The following RAI1 variants were observed in gnomAD, a reference collection of about 807,000 sequenced individuals.
RAI1 encodes retinoic acid-induced protein 1.
A neutral mutation model predicts 123.8 loss-of-function variants in RAI1; 9 were observed. The observed-to-expected ratio is 0.07, with a 90% CI of 0.04 to 0.13. The LOEUF (loss-of-function observed/expected upper bound fraction) is 0.13, where lower values mean the gene tolerates loss of function less well. Among genes scored for constraint, RAI1 ranks in the 10% least tolerant of loss-of-function variants. RAI1 has a pLI of 1.00. For missense variants in RAI1, 2,256 were observed against 2,545.8 expected (o/e 0.89, Z 2.45); for synonymous variants, 1,231 against 1,127.3 (o/e 1.09, Z -1.84).
Position 17,800,250 on chromosome 17 carries a change from C to T in RAI1, c.5565+1737C>T, listed in dbSNP as rs2032416783. Among the ~76,000 whole-genome samples, 3 of 146,660 alleles carry T rather than the reference C, an allele frequency of 2.0e-5. No homozygotes were observed. In the South Asian group the frequency reaches 6.5e-4, roughly 32 times the overall value. The stretch of plus-strand genomic sequence containing the variant: ...TCTCATTACTGGCTCCTTCCCAGCG[C>T]CTTGAAACAGGTTCAAGTCTCTCCC... On this transcript the variant is annotated intron_variant, in intron 3 of 5. Coordinates refer to ENST00000353383, the MANE Select transcript of RAI1 (RefSeq NM_030665.4). The surrounding 1 kb of genome is among the most constrained non-coding windows in gnomAD (Gnocchi z 4.7).
At chr17:17,687,886 C>T (rs1221546486) in intron 1 of RAI1, among the ~76,000 whole-genome samples, 1 of 151,772 alleles carries the variant, frequency 6.6e-6, no homozygotes, top group Non-Finnish European at 1.5e-5. Flanking sequence ...AAAAATTAGC[C>T]AGGTGTGGTG....
At chr17:17,706,408 C>T (rs1246196565) in intron 1 of RAI1, among the ~76,000 whole-genome samples, 2 of 152,182 alleles carry the variant, frequency 1.3e-5, no homozygotes, top group African/African-American at 4.8e-5. Context: ...ATAGGTGAAA[C>T]AAGAGGCCAG....
intron 2 of RAI1, among the ~76,000 whole-genome samples, chr17:17,752,189 C>G (rs974399603): frequency 1.3e-5 from 2 of 152,112 alleles, no homozygotes; most frequent in Non-Finnish European, 2.9e-5. Context: ...GGGCCAGTGC[C>G]GGGACTGGGC....
intron 1 of RAI1, among the ~76,000 whole-genome samples, chr17:17,713,693 A>C (rs1330663968): frequency 6.6e-6 from 1 of 152,250 alleles, no homozygotes. Context: ...AAATATTCAC[A>C]GTAATTGTCA....
chr17:17,747,355 AC>A (rs1298572414), intron 2 of RAI1, among the ~76,000 whole-genome samples: 1 of 152,240 alleles, frequency 6.6e-6, no homozygotes, highest in Non-Finnish European at 1.5e-5. Flanking sequence ...CCACTGGCTG[AC>A]TAGTGGCCTG....
At chr17:17,806,190 G>C (rs1309402551) in intron 4 of RAI1, among the ~76,000 whole-genome samples, 6 of 152,362 alleles carry the variant, frequency 3.9e-5, no homozygotes, top group Non-Finnish European at 8.8e-5. Flanking sequence ...AATCTAGGAA[G>C]ACTTCCAGGA....
At chr17:17,737,969 G>GC (rs1448920368) in intron 2 of RAI1, among the ~76,000 whole-genome samples, 2 of 152,034 alleles carry the variant, frequency 1.3e-5, no homozygotes, top group Non-Finnish European at 2.9e-5. Flanking sequence ...GGGAGGGGGC[G>GC]CCCCCCACCC....
Position 17,797,524 on chromosome 17 carries a change from C to A in RAI1, c.4576C>A (p.Pro1526Thr), listed in dbSNP as rs753263084. The change falls in exon 3 of 6, where the codon CCA becomes ACA. Residue 1526 changes from proline (P) to threonine (T), a missense_variant. Physicochemically the swap from Pro to Thr is conservative, Grantham distance 38. Transcript: ENST00000353383. Reference protein sequence around the residue: ...CQPQTRAQKQPGHTNYSSYSK... With the variant: ...CQPQTRAQKQTGHTNYSSYSK... Reference sequence around the variant, plus strand: ...GCCCCAGACAAGGGCACAGAAACAGCCAGGCCACACCAACTACAGCAGCTA... The same window carrying A: ...GCCCCAGACAAGGGCACAGAAACAGACAGGCCACACCAACTACAGCAGCTA... 1.2e-6 allele frequency: 2 copies of A among 1,613,864 alleles called. No homozygotes were observed. The highest frequency in any genetic ancestry group is 4.5e-5 in the East Asian group (2 of 44,874).
chr17:17,802,087 C>G (rs2032481808), intron 3 of RAI1: 1 of 470,904 alleles, frequency 2.1e-6, no homozygotes, highest in African/African-American at 2.0e-5. Context: ...CCCTCCCCGG[C>G]CTCAGGTTTG....
At chr17:17,725,929 C>A (rs140811240) in intron 2 of RAI1, among the ~76,000 whole-genome samples, 60 of 152,170 alleles carry the variant, frequency 3.9e-4, no homozygotes, top group African/African-American at 1.4e-3. Context: ...AAGAGTTAAC[C>A]CTCCCCCAGA....
intron 2 of RAI1, among the ~76,000 whole-genome samples, chr17:17,736,014 T>C (rs1916421962): frequency 6.6e-6 from 1 of 152,034 alleles, no homozygotes; most frequent in South Asian, 2.1e-4. Flanking sequence ...GTGTTATGTG[T>C]GTGCATCTGT....
chr17:17,735,514 C>A (rs139649469), intron 2 of RAI1, among the ~76,000 whole-genome samples: 2,409 of 151,950 alleles, frequency 0.016, 28 homozygotes, highest in Non-Finnish European at 0.025. Flanking sequence ...CCACCACGCC[C>A]GGCTGATTTT....
At chr17:17,765,456 A>C (rs1450695794) in intron 2 of RAI1, among the ~76,000 whole-genome samples, 1 of 152,260 alleles carries the variant, frequency 6.6e-6, no homozygotes, top group East Asian at 1.9e-4. Flanking sequence ...TACACACAAG[A>C]TGAAAATCGT....
intron 1 of RAI1, among the ~76,000 whole-genome samples, chr17:17,709,568 G>A (rs1405456182): frequency 6.6e-6 from 1 of 152,162 alleles, no homozygotes; most frequent in African/African-American, 2.4e-5. Flanking sequence ...GTTCCAGCCT[G>A]GGCAGCTGCC....
At chr17:17,792,386 CAG>C (rs1024179827) in intron 2 of RAI1, among the ~76,000 whole-genome samples, 80 of 152,212 alleles carry the variant, frequency 5.3e-4, no homozygotes, top group African/African-American at 1.9e-3. Context: ...TGCGTGGGGA[CAG>C]GGGCAGACCC....
intron 1 of RAI1, among the ~76,000 whole-genome samples, chr17:17,704,642 A>AT (rs952268654): frequency 6.6e-6 from 1 of 152,186 alleles, no homozygotes; most frequent in African/African-American, 2.4e-5. Context: ...CAGGATATGC[A>AT]TAGTCCTGAC....
chr17:17,752,294 G>C (rs2030213298), intron 2 of RAI1, among the ~76,000 whole-genome samples: 2 of 152,226 alleles, frequency 1.3e-5, no homozygotes, highest in Admixed American at 1.3e-4. Context: ...CCAGCCCCCA[G>C]CCCGGGCAGA....
At chr17:17,747,762 A>G (rs965918132) in intron 2 of RAI1, among the ~76,000 whole-genome samples, 2 of 152,076 alleles carry the variant, frequency 1.3e-5, no homozygotes, top group East Asian at 3.9e-4. Flanking sequence ...ACTTGAAAAG[A>G]TATCTCAAAA....
rs754023496 is a variant in RAI1, at chr17:17,796,339, A to T, written c.3391A>T (p.Thr1131Ser). The T allele has an allele frequency of 6.2e-6, 10 of 1,613,246 alleles. No homozygotes were observed. Among genetic ancestry groups the T allele is most frequent in the Non-Finnish European group, 7.6e-6 (9 of 1,179,960 alleles). Residue 1131 changes from threonine to serine, a missense_variant, in exon 3 of 6, where the codon ACA (threonine) becomes TCA (serine). Physicochemically the swap from Thr to Ser is moderately conservative, Grantham distance 58. Coordinates refer to ENST00000353383, the MANE Select transcript of RAI1 (RefSeq NM_030665.4). The surrounding 1 kb of genome is among the most constrained non-coding windows in gnomAD (Gnocchi z 5.8). ...CCCGATGGGCTCCAAGACCAAGGAG[A>T]CAGACTCACCCAGCACGCCTGGCAA... Reference protein sequence around the residue: ...SSPMGSKTKETDSPSTPGKDQ... With the variant: ...SSPMGSKTKESDSPSTPGKDQ...
Sources: allele counts gnomAD v4.1 joint callset (sites outside exome capture counted in the v4.1 genomes callset), GRCh38; gene constraint gnomAD v4.1.1; non-coding constraint Gnocchi (gnomAD v3.1); transcripts MANE v1.5; gene names NCBI Gene and HGNC (gene_info 2026-07-23, HGNC 2026-07-21).